The following GBE1 variants were observed in gnomAD, a reference collection of about 807,000 sequenced individuals.
GBE1 encodes the protein 1,4-alpha-glucan branching enzyme 1, also known as 1,4-alpha-glucan-branching enzyme.
In GBE1, 70 loss-of-function variants were observed where a neutral mutation model predicts 88.8. The observed-to-expected ratio is 0.79, with a 90% CI of 0.65 to 0.96. The LOEUF is 0.96. Ranked by LOEUF, GBE1 falls within the 40% of genes least tolerant of loss-of-function variation. The pLI, the probability that GBE1 is intolerant of heterozygous loss-of-function variation, is 0.00. For synonymous variants in GBE1, 284 were observed against 300.1 expected (o/e 0.95, Z 0.56); for missense variants, 872 against 871.0 (o/e 1.00, Z -0.01).
chr3:81,563,321 G>A (rs1703446210), intron 12 of GBE1, among the ~76,000 whole-genome samples: 1 of 152,126 alleles, frequency 6.6e-6, no homozygotes, highest in Non-Finnish European at 1.5e-5. Flanking sequence ...ATTAGTGAAG[G>A]TGAGAGATGA....
In GBE1 at chr3:81,679,821, G is replaced by A. The variant is rs574658377; in HGVS notation, c.314-8868C>T. ...AGGCTTACTTTGTAGCTCAATACAG[G>A]GGCAATCAAACTATTTACTTATTTA... On this transcript the variant is annotated intron_variant, in intron 2 of 15. Coordinates refer to ENST00000429644, the MANE Select transcript of GBE1 (RefSeq NM_000158.4). Among the ~76,000 whole-genome samples the A allele has an allele frequency of 2.9e-4, 44 of 152,132 alleles. No homozygotes were observed. In the East Asian group the frequency reaches 7.3e-3, roughly 25 times the overall value.
chr3:81,507,869 A>T (rs1428848596), intron 14 of GBE1, among the ~76,000 whole-genome samples: 1 of 152,166 alleles, frequency 6.6e-6, no homozygotes, highest in Non-Finnish European at 1.5e-5. Flanking sequence ...TTTCTATTAT[A>T]GTCTAGGATG....
intron 1 of GBE1, among the ~76,000 whole-genome samples, chr3:81,760,728 T>C (rs1325730242): frequency 2.0e-5 from 3 of 152,216 alleles, no homozygotes; most frequent in African/African-American, 7.2e-5. Flanking sequence ...TTTCCTGACC[T>C]TTCTCCCTCT....
intron 14 of GBE1, among the ~76,000 whole-genome samples, chr3:81,522,167 G>A (rs1018213186): frequency 1.3e-5 from 2 of 151,500 alleles, no homozygotes; most frequent in African/African-American, 4.8e-5. Context: ...AAAGCAGGGA[G>A]AGGTGGTAAT....
chr3:81,628,770 TATATATATATATAG>T (rs1339289440), intron 7 of GBE1, among the ~76,000 whole-genome samples: 5 of 116,454 alleles, frequency 4.3e-5, no homozygotes, highest in Admixed American at 2.6e-4. Context: ...TATATATATA[TATATATATATATAG>T]CAACAGAGTA....
intron 14 of GBE1, among the ~76,000 whole-genome samples, chr3:81,517,019 A>G (rs1035017873): frequency 2.6e-5 from 4 of 151,570 alleles, no homozygotes; most frequent in African/African-American, 7.3e-5. Flanking sequence ...ATATAAACCT[A>G]GGTAATCTTT....
chr3:81,567,804 CT>C (rs1703512825), intron 12 of GBE1, among the ~76,000 whole-genome samples: 1 of 152,204 alleles, frequency 6.6e-6, no homozygotes, highest in African/African-American at 2.4e-5. Flanking sequence ...TGCATTTACT[CT>C]TGCCCTAGTC....
intron 12 of GBE1, among the ~76,000 whole-genome samples, chr3:81,571,575 G>A (rs892374256): frequency 1.3e-5 from 2 of 152,094 alleles, no homozygotes; most frequent in East Asian, 3.9e-4. Flanking sequence ...TTCAAATAGA[G>A]TGAAGCTATA....
intron 1 of GBE1, among the ~76,000 whole-genome samples, chr3:81,712,549 C>CA (rs1350704133): frequency 6.9e-6 from 1 of 145,454 alleles, no homozygotes; most frequent in African/African-American, 2.6e-5. Flanking sequence ...ATCACAAGGA[C>CA]AAAAAACCAA....
At chr3:81,631,236 T>C (rs1704503947) in intron 7 of GBE1, among the ~76,000 whole-genome samples, 1 of 152,114 alleles carries the variant, frequency 6.6e-6, no homozygotes, top group African/African-American at 2.4e-5. Context: ...TTCCCTGATA[T>C]AAAATGCAAA....
Position 81,636,398 on chromosome 3 carries a change from A to C in GBE1, c.992+6383T>G, listed in dbSNP as rs551872368. On this transcript the variant is annotated intron_variant, in intron 7 of 15. Coordinates refer to ENST00000429644, the MANE Select transcript of GBE1 (RefSeq NM_000158.4). Reference sequence around the variant, plus strand: ...TCTCAAAAGTTATTAACATACTGTGAGATTATAATATTCTTAGTGAAGAAC... The same window carrying C: ...TCTCAAAAGTTATTAACATACTGTGCGATTATAATATTCTTAGTGAAGAAC... Among the ~76,000 whole-genome samples, 50 of 152,324 alleles carry C rather than the reference A, an allele frequency of 3.3e-4. 1 individual carries two copies. The South Asian group carries it at 9.3e-3, about 28-fold the overall frequency.
intron 12 of GBE1, among the ~76,000 whole-genome samples, chr3:81,555,768 G>A (rs369575311): frequency 7.2e-5 from 11 of 152,210 alleles, no homozygotes; most frequent in African/African-American, 2.6e-4. Flanking sequence ...TATTAACCAA[G>A]TTAAATATCC....
In GBE1 at chr3:81,546,950, G is replaced by A. The variant is rs1703212761; in HGVS notation, c.1619-9855C>T. The stretch of plus-strand genomic sequence containing the variant: ...CCGGTAACATCTTTCCGGCCACCAT[G>A]GAAGGAACAATACTAAGGAAACTCC... On this transcript the variant is annotated intron_variant, in intron 12 of 15. Coordinates refer to ENST00000429644, the MANE Select transcript of GBE1 (RefSeq NM_000158.4). Among the ~76,000 whole-genome samples, 3 of 151,202 alleles carry A rather than the reference G, an allele frequency of 2.0e-5. No homozygotes were observed. In the South Asian group the frequency reaches 6.2e-4, roughly 31 times the overall value.
intron 7 of GBE1, among the ~76,000 whole-genome samples, chr3:81,628,874 A>G (rs535646720): frequency 6.7e-6 from 1 of 148,304 alleles, no homozygotes; most frequent in South Asian, 2.1e-4. Context: ...TAATTCACTT[A>G]TGCCTGAGTC....
chr3:81,533,882 C>T (rs758174759), intron 14 of GBE1, among the ~76,000 whole-genome samples: 9 of 151,974 alleles, frequency 5.9e-5, no homozygotes, highest in Admixed American at 1.3e-4. Context: ...GTAACAGGTG[C>T]CACCATTTGG....
chr3:81,749,460 G>A (rs867993410), intron 1 of GBE1, among the ~76,000 whole-genome samples: 14 of 152,080 alleles, frequency 9.2e-5, no homozygotes, highest in African/African-American at 2.7e-4. Context: ...TTAGGGATGG[G>A]TGGGGGAGGG....
At chr3:81,636,719 A>G (rs898175324) in intron 7 of GBE1, among the ~76,000 whole-genome samples, 1 of 151,950 alleles carries the variant, frequency 6.6e-6, no homozygotes, top group Admixed American at 6.6e-5. Context: ...TAGTAGAGAC[A>G]GGGTTTCTCT....
chr3:81,736,250 T>C (rs1042962633), intron 1 of GBE1, among the ~76,000 whole-genome samples: 2 of 152,136 alleles, frequency 1.3e-5, no homozygotes, highest in African/African-American at 2.4e-5. Context: ...ATATAATAAA[T>C]GTATTGTGCC....
chr3:81,605,483 C>G (rs112034093), intron 7 of GBE1, among the ~76,000 whole-genome samples: 2,070 of 152,148 alleles, frequency 0.014, 55 homozygotes, highest in African/African-American at 0.048. Flanking sequence ...TACATGGAAA[C>G]GCACATAACA....
Sources: gnomAD v4.1 joint callset for allele counts (sites outside exome capture counted in the v4.1 genomes callset) on GRCh38, gnomAD v4.1.1 for gene constraint, MANE v1.5 for transcripts, NCBI Gene and HGNC (gene_info 2026-07-23, HGNC 2026-07-21) for gene names.